The following ETFBKMT variants were observed in gnomAD, a reference collection of about 807,000 sequenced individuals.
The protein encoded by ETFBKMT is electron transfer flavoprotein subunit beta lysine methyltransferase, also known as electron transfer flavoprotein beta subunit lysine methyltransferase.
In ETFBKMT, 13 loss-of-function variants were observed where a neutral mutation model predicts 18.3. That is an observed-to-expected ratio of 0.71 (90% CI 0.46 to 1.13). The LOEUF is 1.13. Ranked by LOEUF, ETFBKMT falls within the 50% of genes most tolerant of loss-of-function variation. The pLI is 0.00. For synonymous variants in ETFBKMT, 84 were observed against 107.9 expected (o/e 0.78, Z 1.37); for missense variants, 293 against 306.2 (o/e 0.96, Z 0.32).
At chr12:31,652,976 A>G (rs1211171486) in intron 1 of ETFBKMT, among the ~76,000 whole-genome samples, 2 of 152,246 alleles carry the variant, frequency 1.3e-5, no homozygotes, top group Non-Finnish European at 2.9e-5. Context: ...TGGGAGGCCG[A>G]GGCCGGCGGA....
upstream of ETFBKMT, among the ~76,000 whole-genome samples, chr12:31,656,371 A>G (rs1441230914): frequency 6.6e-6 from 1 of 152,164 alleles, no homozygotes; most frequent in East Asian, 1.9e-4. Context: ...GTGGGAGGAA[A>G]ACAAATTGCA....
At chr12:31,650,594 AG>A (rs1384392733) in intron 1 of ETFBKMT, among the ~76,000 whole-genome samples, 1 of 144,938 alleles carries the variant, frequency 6.9e-6, no homozygotes, top group Non-Finnish European at 1.5e-5. Flanking sequence ...TAACACTAAG[AG>A]GGTTTTGAGT....
chr12:31,659,436 G>T (rs1165080866), upstream of ETFBKMT: 1 of 152,330 alleles, frequency 6.6e-6, no homozygotes, highest in Admixed American at 6.5e-5. Context: ...AAATGACGCC[G>T]CCGTCTACCC....
At chr12:31,663,477 C>T (rs61930409) in intron 2 of ETFBKMT, among the ~76,000 whole-genome samples, 5,255 of 152,264 alleles carry the variant, frequency 0.035, 107 homozygotes, top group Middle Eastern at 0.071. Flanking sequence ...CCGCCAGCCT[C>T]GGCCTCCCAA....
intron 2 of ETFBKMT, 127 bp from the exon 3 acceptor site, chr12:31,665,960 C>A: frequency 1.4e-6 from 1 of 702,322 alleles, no homozygotes; most frequent in Non-Finnish European, 2.3e-6. Context: ...ATGAACATGT[C>A]ACAGTGCTGC....
intron 1 of ETFBKMT, among the ~76,000 whole-genome samples, chr12:31,661,478 C>CT (rs879855966): frequency 5.5e-4 from 80 of 145,968 alleles, no homozygotes; most frequent in South Asian, 2.4e-3. Flanking sequence ...TATTTTATTT[C>CT]TTTTTTTTTT....
At position 31,667,736 on chromosome 12, in the gene ETFBKMT, G is replaced by A. The variant is rs370377082; in HGVS notation, c.535G>A (p.Asp179Asn). 175 of 1,613,768 alleles carry A rather than the reference G, an allele frequency of 1.1e-4. 2 individuals carry two copies. Among genetic ancestry groups the A allele is most frequent in the Middle Eastern group, 4.9e-4 (3 of 6,082 alleles). The change falls in exon 4 of 4, where the codon GAT (aspartate) becomes AAT (asparagine). Residue 179 changes from aspartate to asparagine, a missense_variant. Transcript: ENST00000357721. ...CCAAAACATTTTGAATTTGGAACAAGATAAGTGGGACCTTGTTGTTCTTGG... is the reference window on the plus strand; with the variant it reads ...CCAAAACATTTTGAATTTGGAACAAAATAAGTGGGACCTTGTTGTTCTTGG... Reference protein sequence around the residue: ...LIQNILNLEQDKWDLVVLGDM... With the variant: ...LIQNILNLEQNKWDLVVLGDM...
In ETFBKMT at chr12:31,672,337, G is replaced by C. The variant is rs578248025; in HGVS notation, c.*4347G>C. 1.9e-6 allele frequency: 3 copies of C among 1,579,978 alleles called. No homozygotes were observed. The highest frequency in any genetic ancestry group is 2.6e-6 in the Non-Finnish European group (3 of 1,161,032). ...CAGTCCATGTCACTTGCTTTAGTTT[G>C]TTTGGGCCTACTAATTGCTCCAACA... On this transcript the variant is annotated 3_prime_UTR_variant, in exon 4 of 4. Transcript: ENST00000357721.
At chr12:31,663,169 T>G (rs918237187) in intron 2 of ETFBKMT, among the ~76,000 whole-genome samples, 9 of 151,236 alleles carry the variant, frequency 6.0e-5, no homozygotes, top group African/African-American at 1.5e-4. Flanking sequence ...CTCGGCTCAC[T>G]GCAAGCCCCG....
At chr12:31,657,854 A>G (rs1395912637), upstream of ETFBKMT, among the ~76,000 whole-genome samples, 1 of 151,948 alleles carries the variant, frequency 6.6e-6, no homozygotes, top group Non-Finnish European at 1.5e-5. Context: ...TAGACAAGTT[A>G]TAGGAACCCA....
chr12:31,668,777 GCCA>G lies in ETFBKMT; in HGVS notation c.*792_*794del, dbSNP rs1328943162. ...CAAAGTGCTAGGATTACAGGTGTGA[GCCA>G]CCACGCCAGCCTGACGATGTTTTTT... On this transcript the variant is annotated 3_prime_UTR_variant, in exon 4 of 4. Transcript: ENST00000357721. 1.3e-5 allele frequency: 2 copies of G among 152,254 alleles called. No homozygotes were observed. Among genetic ancestry groups the G allele is most frequent in the Non-Finnish European group, 2.9e-5 (2 of 68,062 alleles). The allele number at this position is 152,254 out of a possible 1,614,324, so 9.4% of individuals were successfully genotyped here. A position where few individuals can be genotyped will look rare whatever the true frequency, so the allele number is the denominator to read the frequency against.
intron 1 of ETFBKMT, among the ~76,000 whole-genome samples, chr12:31,649,907 C>T (rs1221364437): frequency 1.3e-5 from 2 of 149,002 alleles, no homozygotes; most frequent in East Asian, 3.9e-4. Context: ...CAGGCACGTA[C>T]CACCACACCC....
At chr12:31,650,169 G>A (rs180980133) in intron 1 of ETFBKMT, among the ~76,000 whole-genome samples, 96 of 149,202 alleles carry the variant, frequency 6.4e-4, no homozygotes, top group African/African-American at 2.3e-3. Context: ...GTCACAGAAT[G>A]AGATAGGAGG....
upstream of ETFBKMT, among the ~76,000 whole-genome samples, chr12:31,657,988 T>C (rs1273552300): frequency 2.6e-5 from 4 of 152,140 alleles, no homozygotes; most frequent in Non-Finnish European, 5.9e-5. Context: ...TTGCAAGTTT[T>C]GAATGAGTTA....
At chr12:31,651,261 C>T (rs1951015204) in intron 1 of ETFBKMT, among the ~76,000 whole-genome samples, 1 of 151,844 alleles carries the variant, frequency 6.6e-6, no homozygotes, top group Non-Finnish European at 1.5e-5. Context: ...GTGTCCATTC[C>T]TACCTTTAGG....
At chr12:31,665,972 G>T (rs1017119043) in intron 2 of ETFBKMT, 115 bp from the exon 3 acceptor site, 1 of 796,160 alleles carries the variant, frequency 1.3e-6, no homozygotes. Flanking sequence ...CAGTGCTGCA[G>T]AGATTTTGTT....
rs144973010 is a variant in ETFBKMT at position 31,652,629 on chromosome 12, C to T, written c.-114+5374C>T. On this transcript the variant is annotated intron_variant, in intron 1 of 3. Transcript: ENST00000412352. ...TTTAATTCTTAGACTTAGCTTTAGA[C>T]GATCCCAAGGGAGTAGAGGAGAATT... Among the ~76,000 whole-genome samples, 416 of 152,174 alleles carry T rather than the reference C, an allele frequency of 2.7e-3. 1 individual carries two copies. Among genetic ancestry groups the T allele is most frequent in the African/African-American group, 9.4e-3 (391 of 41,516 alleles).
At chr12:31,664,910 G>A (rs527264885) in intron 2 of ETFBKMT, among the ~76,000 whole-genome samples, 1 of 142,850 alleles carries the variant, frequency 7.0e-6, no homozygotes, top group South Asian at 2.3e-4. Context: ...CACCACACCT[G>A]GCCATTTATA....
chr12:31,662,098 G>C lies in ETFBKMT; in HGVS notation c.145G>C (p.Ala49Pro). The C allele has an allele frequency of 2.5e-6, 4 of 1,614,186 alleles. No homozygotes were observed. The highest frequency in any genetic ancestry group is 1.6e-4 in the Middle Eastern group (1 of 6,062). Residue 49 changes from alanine (A) to proline (P), a missense_variant, in exon 2 of 4, where the codon GCT (alanine) becomes CCT (proline). Transcript: ENST00000357721. The stretch of plus-strand genomic sequence containing the variant: ...AAGCTTTTTGGACCCTGAGATAAAG[G>C]CTTTCCTGGAGGAGAACACTGAAGT... The part of the protein sequence containing the change: ...AGSFLDPEIK[A>P]FLEENTEVTS...
Sources: gnomAD v4.1 joint callset for allele counts (sites outside exome capture counted in the v4.1 genomes callset) on GRCh38, gnomAD v4.1.1 for gene constraint, MANE v1.5 for transcripts, NCBI Gene and HGNC (gene_info 2026-07-23, HGNC 2026-07-21) for gene names.